The following OTOF variants were observed in gnomAD, a reference collection of about 807,000 sequenced individuals.
OTOF encodes fer-1-like family member 2.
OTOF carries 218 observed loss-of-function variants against 236.8 expected under a neutral mutation model. The observed-to-expected ratio is 0.92, with a 90% CI of 0.82 to 1.03. The LOEUF (loss-of-function observed/expected upper bound fraction) is 1.03, where lower values mean the gene tolerates loss of function less well. OTOF is among the 50% of genes least tolerant of loss of function. The pLI, the probability that OTOF is intolerant of heterozygous loss-of-function variation, is 0.00. For synonymous variants in OTOF, 1,041 were observed against 1,072.5 expected (o/e 0.97, Z 0.57); for missense variants, 2,590 against 2,694.4 (o/e 0.96, Z 0.86).
chr2:26,474,404 C>G, intron 26 of OTOF, 109 bp downstream of exon 26: 2 of 806,332 alleles, frequency 2.5e-6, no homozygotes, highest in Non-Finnish European at 3.8e-6. Context: ...GGCCCCACCC[C>G]CAGGCCCCAG....
At chr2:26,522,008 A>T (rs1666688528) in intron 3 of OTOF, among the ~76,000 whole-genome samples, 1 of 152,158 alleles carries the variant, frequency 6.6e-6, no homozygotes, top group Admixed American at 6.5e-5. Context: ...CCTTTGCAGG[A>T]TGGGCTTCAG....
intron 4 of OTOF, among the ~76,000 whole-genome samples, chr2:26,518,670 C>T (rs986599341): frequency 6.6e-6 from 1 of 152,256 alleles, no homozygotes; most frequent in Non-Finnish European, 1.5e-5. Flanking sequence ...GTCATGCCCT[C>T]GAGTGCCAGC....
chr2:26,495,890 C>A (rs72815939), intron 8 of OTOF, among the ~76,000 whole-genome samples: 163 of 152,372 alleles, frequency 1.1e-3, no homozygotes, highest in Non-Finnish European at 1.9e-3. Context: ...TAATTTCCTG[C>A]TCCAGGAATT....
chr2:26,519,697 C>T (rs937513628), intron 3 of OTOF, among the ~76,000 whole-genome samples: 1 of 152,178 alleles, frequency 6.6e-6, no homozygotes, highest in Non-Finnish European at 1.5e-5. Flanking sequence ...GGATCTGAAC[C>T]CAGCTCTGAC....
At chr2:26,513,519 C>A (rs1428640069) in intron 5 of OTOF, among the ~76,000 whole-genome samples, 1 of 152,182 alleles carries the variant, frequency 6.6e-6, no homozygotes, top group Admixed American at 6.5e-5. Flanking sequence ...CCCCAGCAGG[C>A]CTTCATTTCA....
intron 1 of OTOF, among the ~76,000 whole-genome samples, chr2:26,556,080 T>A (rs917903165): frequency 6.6e-6 from 1 of 152,184 alleles, no homozygotes; most frequent in African/African-American, 2.4e-5. Flanking sequence ...CAAGCCATAT[T>A]TCAACCAGCT....
At chr2:26,478,156 C>G (rs1665411540) in intron 18 of OTOF, 2 of 710,990 alleles carry the variant, frequency 2.8e-6, no homozygotes, top group Non-Finnish European at 3.9e-6. Flanking sequence ...GAACAGATGC[C>G]TGGGGGAAGA....
At chr2:26,530,299 G>A (rs760335173) in intron 2 of OTOF, among the ~76,000 whole-genome samples, 1 of 152,032 alleles carries the variant, frequency 6.6e-6, no homozygotes, top group Non-Finnish European at 1.5e-5. Flanking sequence ...TGCGGGGCGA[G>A]GGCCAGTTTG....
At chr2:26,475,538 G>T in intron 24 of OTOF, 45 bp from the exon 25 acceptor site, 2 of 1,603,106 alleles carry the variant, frequency 1.2e-6, no homozygotes, top group South Asian at 2.2e-5. Context: ...ACAGAGGGGG[G>T]GGCAGATGCA....
intron 5 of OTOF, among the ~76,000 whole-genome samples, chr2:26,507,445 A>T (rs2148085608): frequency 6.6e-6 from 1 of 152,334 alleles, no homozygotes; most frequent in African/African-American, 2.4e-5. Context: ...TTTTGAAATA[A>T]ATGTCAACTT....
rs768822093 is a variant in OTOF, at chr2:26,464,091, G to T, written c.4976C>A (p.Thr1659Lys). The change falls in exon 40 of 47, where the codon ACA becomes AAA. Residue 1659 changes from threonine to lysine, a missense_variant. Transcript: ENST00000272371. ...GGCCAACAGCGCCACATGCTCGTCT[G>T]TGGGCTTCCTCTGACCTGTGGGTGC... Reference protein sequence around the residue: ...IEDENGQRKPTDEHVALLALR... With the variant: ...IEDENGQRKPKDEHVALLALR... 1 of 1,613,586 alleles carries T rather than the reference G, an allele frequency of 6.2e-7. No individual in the cohort carries two copies. Among genetic ancestry groups the T allele is most frequent in the South Asian group, 1.1e-5 (1 of 91,080 alleles).
intron 2 of OTOF, among the ~76,000 whole-genome samples, chr2:26,531,094 G>A (rs1398568533): frequency 6.6e-6 from 1 of 152,142 alleles, no homozygotes; most frequent in Non-Finnish European, 1.5e-5. Flanking sequence ...CCCCTTCCTA[G>A]CACCCAGAGG....
At chr2:26,522,150 T>C (rs112079879) in intron 3 of OTOF, among the ~76,000 whole-genome samples, 258 of 152,238 alleles carry the variant, frequency 1.7e-3, no homozygotes, top group African/African-American at 5.8e-3. Flanking sequence ...TTGCCACACC[T>C]CCAAGAGTGG....
intron 5 of OTOF, among the ~76,000 whole-genome samples, chr2:26,506,378 G>A (rs1228403031): frequency 6.6e-6 from 1 of 152,196 alleles, no homozygotes. Context: ...TGCCATTGCA[G>A]CCTGCTCCAG....
intron 5 of OTOF, among the ~76,000 whole-genome samples, chr2:26,513,661 C>T (rs1558508255): frequency 6.6e-6 from 1 of 152,188 alleles, no homozygotes; most frequent in Non-Finnish European, 1.5e-5. Context: ...CAAGAGGGAA[C>T]TGTGGTTATT....
At position 26,473,377 on chromosome 2, in the gene OTOF, G is replaced by C; in HGVS notation, c.3570+29C>G. The C allele has an allele frequency of 6.2e-7, 1 of 1,613,314 alleles. No homozygotes were observed. Among genetic ancestry groups the C allele is most frequent in the Non-Finnish European group, 8.5e-7 (1 of 1,179,956 alleles). ...GCTGAGTGGAGCCACACTGGCCACA[G>C]GATGTCCTCCGCCAGGGCCTGCACT... On this transcript the variant is annotated intron_variant, in intron 28 of 46. Coordinates refer to ENST00000272371, the MANE Select transcript of OTOF (RefSeq NM_194248.3). This position sits in a 1 kb window ranked among gnomAD's most constrained non-coding sequence, Gnocchi z 7.2.
intron 2 of OTOF, among the ~76,000 whole-genome samples, chr2:26,534,709 C>A (rs1293909741): frequency 1.3e-5 from 2 of 152,158 alleles, no homozygotes; most frequent in African/African-American, 4.8e-5. Context: ...GGGAGCATAT[C>A]TCTCTTTTAC....
chr2:26,495,042 A>G lies in OTOF; in HGVS notation c.797T>C (p.Leu266Pro). Residue 266 changes from leucine (L) to proline (P), a missense_variant, in exon 9 of 47, where the codon CTG (leucine) becomes CCG (proline). Leu to Pro is a moderately conservative substitution (Grantham distance 98). Transcript: ENST00000272371. ...VSITVIEARQ[L>P]VGLNMDPVVC... ...CACAGGGTCCATGTTCAAGCCCACCAGCTGCCGGGCCTCGATCACCGTGAT... is the reference window on the plus strand; with the variant it reads ...CACAGGGTCCATGTTCAAGCCCACCGGCTGCCGGGCCTCGATCACCGTGAT... 6.2e-7 allele frequency: 1 copy of G among 1,614,102 alleles called. No individual in the cohort carries two copies. The highest frequency in any genetic ancestry group is 8.5e-7 in the Non-Finnish European group (1 of 1,179,994).
chr2:26,524,354 CA>C (rs1478848129), intron 3 of OTOF, among the ~76,000 whole-genome samples: 1 of 152,132 alleles, frequency 6.6e-6, no homozygotes, highest in Non-Finnish European at 1.5e-5. Flanking sequence ...ACTAAAAATA[CA>C]AAAATTATCC....
Sources: gnomAD v4.1 joint callset for allele counts (sites outside exome capture counted in the v4.1 genomes callset) on GRCh38, gnomAD v4.1.1 for gene constraint, Gnocchi (gnomAD v3.1) non-coding constraint, MANE v1.5 for transcripts, NCBI Gene and HGNC (gene_info 2026-07-23, HGNC 2026-07-21) for gene names.